Variants in TMEM9 observed in about 807,000 individuals in gnomAD.
The protein encoded by TMEM9 is transmembrane protein 9, also known as proton-transporting V-type ATPase complex assembly regulator TMEM9.
Under a neutral mutation model 22.8 loss-of-function variants are expected in TMEM9, and 13 were observed. That is an observed-to-expected ratio of 0.57 (90% CI 0.37 to 0.91). The LOEUF is 0.91. Among genes scored for constraint, TMEM9 ranks in the 40% least tolerant of loss-of-function variants. The probability of loss-of-function intolerance (pLI) is 0.01; values close to 1 mark genes in which losing one functional copy is unlikely to be tolerated. For synonymous variants in TMEM9, 88 were observed against 93.0 expected (o/e 0.95, Z 0.31); for missense variants, 182 against 238.1 (o/e 0.76, Z 1.55).
At chr1:201,152,492 C>T (rs1030497808) in intron 1 of TMEM9, among the ~76,000 whole-genome samples, 3 of 152,014 alleles carry the variant, frequency 2.0e-5, no homozygotes. Flanking sequence ...ATCTTTAGTT[C>T]CATAGATCTA....
At position 201,147,816 on chromosome 1, in the gene TMEM9, C is replaced by T. The variant is rs1665101433; in HGVS notation, c.159-968G>A. Among the ~76,000 whole-genome samples the T allele has an allele frequency of 2.6e-5, 4 of 152,180 alleles. No homozygotes were observed. In the South Asian group the frequency reaches 8.3e-4, roughly 32 times the overall value. On this transcript the variant is annotated intron_variant, in intron 2 of 4. Coordinates refer to ENST00000367330, the MANE Select transcript of TMEM9 (RefSeq NM_001288565.2). ...CACCCACTTTCCCAACCTCCAGCCA[C>T]ACGGATCTGCCAGGCTGCTCTCTGA...
intron 4 of TMEM9, among the ~76,000 whole-genome samples, chr1:201,139,489 T>TA (rs1664316779): frequency 6.6e-6 from 1 of 152,136 alleles, no homozygotes; most frequent in South Asian, 2.1e-4. Context: ...GCTGTTTCCC[T>TA]GCCCAAAAAC....
At chr1:201,150,175 T>C (rs1665308987) in intron 2 of TMEM9, among the ~76,000 whole-genome samples, 1 of 152,228 alleles carries the variant, frequency 6.6e-6, no homozygotes, top group Non-Finnish European at 1.5e-5. Context: ...CCTTGTTATC[T>C]GGTGAAGGGC....
exon 1 of TMEM9, chr1:201,171,530 C>A (rs1666210935): frequency 6.6e-6 from 1 of 152,238 alleles, no homozygotes; most frequent in Admixed American, 6.5e-5. Flanking sequence ...GTGTTAGAGG[C>A]TTTCAGCTCC....
intron 1 of TMEM9, among the ~76,000 whole-genome samples, chr1:201,163,010 G>A (rs1483821830): frequency 6.6e-6 from 1 of 152,236 alleles, no homozygotes; most frequent in Non-Finnish European, 1.5e-5. Flanking sequence ...TGAAGGCAGA[G>A]TGTGGTGGCT....
rs1663900047 is a variant in TMEM9, at chr1:201,135,423, TC to T, written c.*239del. On this transcript the variant is annotated 3_prime_UTR_variant, in exon 5 of 5. Coordinates refer to ENST00000367330, the MANE Select transcript of TMEM9 (RefSeq NM_001288565.2). ...GTCTCCATTCCCTTCTGGCCTGCCTTCCCCCTCCCTTCAACCCCAAAGACCC... is the reference window on the plus strand; with the variant it reads ...GTCTCCATTCCCTTCTGGCCTGCCTTCCCCTCCCTTCAACCCCAAAGACCC... 2 of 395,304 alleles carry T rather than the reference TC, an allele frequency of 5.1e-6. No homozygotes were observed. The highest frequency in any genetic ancestry group is 6.2e-5 in the South Asian group (1 of 16,170). 24.5% of individuals were successfully genotyped at this position (395,304 alleles called of 1,614,324 possible).
At chr1:201,163,498 G>C (rs895639941) in intron 1 of TMEM9, among the ~76,000 whole-genome samples, 1 of 152,082 alleles carries the variant, frequency 6.6e-6, no homozygotes, top group Non-Finnish European at 1.5e-5. Context: ...GCTGAGACAT[G>C]AGAATTGCTT....
intron 2 of TMEM9, 35 bp downstream of exon 2, chr1:201,151,726 G>T: frequency 2.0e-6 from 3 of 1,525,678 alleles, no homozygotes; most frequent in Non-Finnish European, 2.7e-6. Context: ...CTTCAACTGG[G>T]TATAGCAGCC....
intron 1 of TMEM9, among the ~76,000 whole-genome samples, chr1:201,169,680 G>A (rs1666166122): frequency 6.6e-6 from 1 of 152,092 alleles, no homozygotes; most frequent in Non-Finnish European, 1.5e-5. Flanking sequence ...CTTGCTATCA[G>A]TGAGGGTGTT....
At chr1:201,145,037 T>C (rs1207515871) in intron 3 of TMEM9, 3 of 152,284 alleles carry the variant, frequency 2.0e-5, no homozygotes, top group Admixed American at 6.5e-5. Context: ...CAAGTTCCAC[T>C]GGACCAATGT....
chr1:201,159,888 C>T (rs1665900316), intron 1 of TMEM9, among the ~76,000 whole-genome samples: 1 of 152,168 alleles, frequency 6.6e-6, no homozygotes, highest in Non-Finnish European at 1.5e-5. Context: ...AGGCATTCTA[C>T]CAGCAGTTGC....
At chr1:201,168,967 C>CTTTTTTTTT (rs5780055) in intron 1 of TMEM9, among the ~76,000 whole-genome samples, 1 of 128,606 alleles carries the variant, frequency 7.8e-6, no homozygotes, top group African/African-American at 3.0e-5. Flanking sequence ...AATTATATTA[C>CTTTTTTTTT]TTTTTTTTTT....
At chr1:201,154,698 T>G (rs1164551352), upstream of TMEM9, among the ~76,000 whole-genome samples, 1 of 152,188 alleles carries the variant, frequency 6.6e-6, no homozygotes, top group East Asian at 1.9e-4. Flanking sequence ...GAACTCCCAC[T>G]GCGGTGCTTC....
chr1:201,154,152 T>G lies in TMEM9; in HGVS notation c.-229A>C. 1 of 550,578 alleles carries G rather than the reference T, an allele frequency of 1.8e-6. No individual in the cohort carries two copies. Among genetic ancestry groups the G allele is most frequent in the Non-Finnish European group, 3.2e-6 (1 of 313,828 alleles). 34.1% of individuals were successfully genotyped at this position (550,578 alleles called of 1,614,324 possible). On this transcript the variant is annotated 5_prime_UTR_variant, in exon 1 of 5. Coordinates refer to ENST00000367330, the MANE Select transcript of TMEM9 (RefSeq NM_001288565.2). The stretch of plus-strand genomic sequence containing the variant: ...CTCCGGCTCTCCGCCAGCCACCTGG[T>G]GAGCCCGGCAGAGGGGTCCTCGAGG...
intron 4 of TMEM9, among the ~76,000 whole-genome samples, chr1:201,136,445 C>A (rs1371569180): frequency 2.6e-5 from 4 of 152,154 alleles, no homozygotes; most frequent in Non-Finnish European, 4.4e-5. Context: ...AGATCCAGAT[C>A]CATGGGATCT....
chr1:201,135,766 G>A lies in TMEM9; in HGVS notation c.449C>T (p.Ala150Val). ...AAAASLGGPR[A>V]NTVLERVEGA... Reference sequence around the variant, plus strand: ...TTCCACACGCTCCAGGACTGTGTTTGCTCGGGGTCCCCCGAGGGATGCAGC... The same window carrying A: ...TTCCACACGCTCCAGGACTGTGTTTACTCGGGGTCCCCCGAGGGATGCAGC... Residue 150 changes from alanine to valine, a missense_variant, in exon 5 of 5, where the codon GCA becomes GTA. Physicochemically the swap from Ala to Val is moderately conservative, Grantham distance 64 (BLOSUM62 0). Transcript: ENST00000367330. The A allele has an allele frequency of 1.2e-6, 2 of 1,613,292 alleles. No homozygotes were observed. Among genetic ancestry groups the A allele is most frequent in the African/African-American group, 2.7e-5 (2 of 75,028 alleles).
intron 4 of TMEM9, among the ~76,000 whole-genome samples, chr1:201,137,204 C>G (rs917926949): frequency 5.3e-5 from 8 of 152,220 alleles, no homozygotes; most frequent in African/African-American, 1.9e-4. Flanking sequence ...GCATACTGAG[C>G]TTGGAATTAG....
intron 2 of TMEM9, among the ~76,000 whole-genome samples, chr1:201,150,727 AG>A (rs1244966248): frequency 6.6e-6 from 1 of 152,192 alleles, no homozygotes; most frequent in African/African-American, 2.4e-5. Flanking sequence ...TAAGCACCAA[AG>A]GAAAGAAAGG....
chr1:201,143,789 C>A (rs1234161558), intron 4 of TMEM9, 31 bp downstream of exon 4: 1 of 1,611,788 alleles, frequency 6.2e-7, no homozygotes, highest in Non-Finnish European at 8.5e-7. Context: ...CATGCAGGGA[C>A]CCAGGGCCTG....
Sources: allele counts gnomAD v4.1 joint callset (sites outside exome capture counted in the v4.1 genomes callset), GRCh38; gene constraint gnomAD v4.1.1; transcripts MANE v1.5; gene names NCBI Gene and HGNC (gene_info 2026-07-23, HGNC 2026-07-21).